FOXO1: variants seen among roughly 807,000 people sequenced by gnomAD.
FOXO1 encodes the protein forkhead box protein O1.
FOXO1 carries 6 observed loss-of-function variants against 44.1 expected under a neutral mutation model. That is an observed-to-expected ratio of 0.14 (90% CI 0.07 to 0.27). The LOEUF (loss-of-function observed/expected upper bound fraction) is 0.27. Ranked by LOEUF, FOXO1 falls within the 10% of genes least tolerant of loss-of-function variation. FOXO1 has a pLI of 1.00. For missense variants in FOXO1, 737 were observed against 888.8 expected (o/e 0.83, Z 2.17); for synonymous variants, 380 against 362.7 (o/e 1.05, Z -0.54).
At chr13:40,583,715 G>C (rs1593387960) in intron 1 of FOXO1, among the ~76,000 whole-genome samples, 2 of 152,178 alleles carry the variant, frequency 1.3e-5, no homozygotes, top group South Asian at 2.1e-4. Flanking sequence ...TGGCTTAAAG[G>C]AATGTTGTGA....
chr13:40,632,926 A>G (rs1394081822), intron 1 of FOXO1, among the ~76,000 whole-genome samples: 1 of 150,960 alleles, frequency 6.6e-6, no homozygotes, highest in Non-Finnish European at 1.5e-5. Flanking sequence ...AAAAAAAAAA[A>G]GGAAAAGAAA....
chr13:40,624,401 CTT>C (rs577798838), intron 1 of FOXO1, among the ~76,000 whole-genome samples: 2 of 146,276 alleles, frequency 1.4e-5, no homozygotes, highest in South Asian at 4.7e-4. Context: ...TTCATGAAAA[CTT>C]ACCCAGAAAT....
At chr13:40,620,799 C>CTTTTTTTTTTTTTTT (rs111991105) in intron 1 of FOXO1, among the ~76,000 whole-genome samples, 4 of 121,230 alleles carry the variant, frequency 3.3e-5, no homozygotes, top group Non-Finnish European at 6.6e-5. Context: ...CTTCCCCTTG[C>CTTTTTTTTTTTTTTT]TTTTTTTTTT....
At chr13:40,568,870 T>C (rs1352777820) in intron 1 of FOXO1, among the ~76,000 whole-genome samples, 1 of 150,566 alleles carries the variant, frequency 6.6e-6, no homozygotes, top group Non-Finnish European at 1.5e-5. Context: ...TCTAACGCTC[T>C]TGTTTTATGT....
Position 40,558,670 on chromosome 13 carries a change from A to T in FOXO1, c.*379T>A, listed in dbSNP as rs1873852137. The T allele has an allele frequency of 2.5e-6, 1 of 396,446 alleles. No homozygotes were observed. 24.6% of individuals were successfully genotyped at this position (396,446 alleles called of 1,614,324 possible). On this transcript the variant is annotated 3_prime_UTR_variant, in exon 3 of 3. Transcript: ENST00000379561. ...TTCCTTGGACCAATTGGATATTTAG[A>T]AAAACCAAAAACACACACAAATACA...
chr13:40,585,343 G>GCGCGCGCGCACACACACA (rs10623475), intron 1 of FOXO1, among the ~76,000 whole-genome samples: 1 of 147,020 alleles, frequency 6.8e-6, no homozygotes, highest in African/African-American at 2.5e-5. Flanking sequence ...CTGCGCGCGC[G>GCGCGCGCGCACACACACA]CACACACACA....
intron 1 of FOXO1, among the ~76,000 whole-genome samples, chr13:40,633,339 G>T (rs559975396): frequency 1.8e-4 from 27 of 152,202 alleles, no homozygotes; most frequent in African/African-American, 6.5e-4. Context: ...ATTAATAACA[G>T]CAATAATTTT....
At chr13:40,585,610 T>C (rs1195903273) in intron 1 of FOXO1, among the ~76,000 whole-genome samples, 1 of 152,192 alleles carries the variant, frequency 6.6e-6, no homozygotes, top group Non-Finnish European at 1.5e-5. Context: ...GTATTTGCCC[T>C]GAAGACATGA....
Position 40,665,899 on chromosome 13 carries a change from C to T in FOXO1, c.314G>A (p.Gly105Glu), listed in dbSNP as rs1333425848. ...CGGGCCCTGGAAGTCCCCGCACAGC[C>T]CCCCGGTGGCGGCCGCGGCGGCCGC... The part of the protein sequence containing the change: ...AAAAAAAATG[G>E]LCGDFQGPEA... Residue 105 changes from glycine to glutamate, a missense_variant, in exon 1 of 3, where the codon GGG becomes GAG. Physicochemically the swap from Gly to Glu is moderately conservative, Grantham distance 98. This residue lies in a region of FOXO1 where 213 missense variants were observed against 236.4 expected (regional missense o/e 0.90). Coordinates refer to ENST00000379561, the MANE Select transcript of FOXO1 (RefSeq NM_002015.4). The T allele has an allele frequency of 1.7e-6, 2 of 1,170,568 alleles. No individual in the cohort carries two copies. The highest frequency in any genetic ancestry group is 1.1e-6 in the Non-Finnish European group (1 of 951,988). The allele number at this position is 1,170,568 out of a possible 1,614,324, so 72.5% of individuals were successfully genotyped here.
At position 40,572,350 on chromosome 13, in the gene FOXO1, T is replaced by C. The variant is rs1237310740; in HGVS notation, c.631-11490A>G. Among the ~76,000 whole-genome samples, 3 of 151,790 alleles carry C rather than the reference T, an allele frequency of 2.0e-5. No homozygotes were observed. In the South Asian group the frequency reaches 6.2e-4, roughly 31 times the overall value. The stretch of plus-strand genomic sequence containing the variant: ...GTCTAGATTTATGTGTTTTTTCGCA[T>C]AGTCTGTTTACTAAGAATTCTTAGT... On this transcript the variant is annotated intron_variant, in intron 1 of 2. Transcript: ENST00000379561.
chr13:40,621,202 G>C (rs1233940350), intron 1 of FOXO1: 1 of 642,016 alleles, frequency 1.6e-6, no homozygotes, highest in African/African-American at 1.9e-5. Flanking sequence ...GTTTGTATCA[G>C]TGACCACATA....
At position 40,585,681 on chromosome 13, in the gene FOXO1, C is replaced by A. The variant is rs530309469; in HGVS notation, c.631-24821G>T. On this transcript the variant is annotated intron_variant, in intron 1 of 2. Coordinates refer to ENST00000379561, the MANE Select transcript of FOXO1 (RefSeq NM_002015.4). Reference sequence around the variant, plus strand: ...GCGGAAATAATTGATTCAGGTGAGCCCTACTCAGGTTAATCTCAAAAGAAA... The same window carrying A: ...GCGGAAATAATTGATTCAGGTGAGCACTACTCAGGTTAATCTCAAAAGAAA... 9.2e-5 allele frequency among the ~76,000 whole-genome samples: 14 copies of A among 152,170 alleles called. No homozygotes were observed. In the East Asian group the frequency reaches 2.7e-3, roughly 29 times the overall value.
intron 1 of FOXO1, chr13:40,618,782 CTTAT>C (rs1876508722): frequency 3.9e-6 from 2 of 512,198 alleles, no homozygotes; most frequent in African/African-American, 3.9e-5. Context: ...GTGACGAAAC[CTTAT>C]CTCAAGACCG....
At chr13:40,610,718 G>C (rs1566074938) in intron 1 of FOXO1, among the ~76,000 whole-genome samples, 1 of 151,932 alleles carries the variant, frequency 6.6e-6, no homozygotes, top group Non-Finnish European at 1.5e-5. Flanking sequence ...ATTTTAAAAA[G>C]AAAAAGCATG....
chr13:40,623,342 A>G (rs562216715), intron 1 of FOXO1, among the ~76,000 whole-genome samples: 20 of 152,294 alleles, frequency 1.3e-4, no homozygotes, highest in African/African-American at 4.8e-4. Context: ...ATGAAAATCA[A>G]CTTTTTTCCT....
intron 1 of FOXO1, among the ~76,000 whole-genome samples, chr13:40,587,186 C>G (rs1366420408): frequency 6.6e-6 from 1 of 151,778 alleles, no homozygotes; most frequent in African/African-American, 2.4e-5. Flanking sequence ...GCTCATTATT[C>G]CATATTTTTC....
At chr13:40,637,228 A>T (rs1478523748) in intron 1 of FOXO1, among the ~76,000 whole-genome samples, 1 of 152,074 alleles carries the variant, frequency 6.6e-6, no homozygotes, top group Non-Finnish European at 1.5e-5. Context: ...GCGGATCAGG[A>T]GGTCAGGAGA....
At chr13:40,592,973 C>A (rs1233082976) in intron 1 of FOXO1, among the ~76,000 whole-genome samples, 1 of 152,162 alleles carries the variant, frequency 6.6e-6, no homozygotes, top group Non-Finnish European at 1.5e-5. Flanking sequence ...ACCATTAAAA[C>A]ATCAACTATG....
At chr13:40,588,536 G>A (rs1436082189) in intron 1 of FOXO1, among the ~76,000 whole-genome samples, 3 of 152,132 alleles carry the variant, frequency 2.0e-5, no homozygotes, top group African/African-American at 4.8e-5. Context: ...CTTAAACTGA[G>A]TTTAAGATTT....
Sources: allele counts gnomAD v4.1 joint callset (sites outside exome capture counted in the v4.1 genomes callset), GRCh38; gene constraint gnomAD v4.1.1; regional missense constraint gnomAD v4.1.1; transcripts MANE v1.5; gene names NCBI Gene and HGNC (gene_info 2026-07-23, HGNC 2026-07-21).